The following ADGRL2 variants were observed in gnomAD, a reference collection of about 807,000 sequenced individuals.
The protein encoded by ADGRL2 is adhesion G protein-coupled receptor L2, also known as calcium-independent alpha-latrotoxin receptor 2.
Under a neutral mutation model 157.4 loss-of-function variants are expected in ADGRL2, and 44 were observed. The observed-to-expected ratio is 0.28, with a 90% CI of 0.22 to 0.36. The LOEUF (loss-of-function observed/expected upper bound fraction) is 0.36, where lower values mean the gene tolerates loss of function less well. ADGRL2 is among the 10% of genes least tolerant of loss of function. The pLI, the probability that ADGRL2 is intolerant of heterozygous loss-of-function variation, is 1.00. For missense variants in ADGRL2, 1,510 were observed against 1,768.9 expected (o/e 0.85, Z 2.63); for synonymous variants, 585 against 624.7 (o/e 0.94, Z 0.95).
intron 8 of ADGRL2, 103 bp downstream of exon 8, chr1:81,951,224 G>C: frequency 2.7e-6 from 2 of 745,804 alleles, no homozygotes; most frequent in Non-Finnish European, 4.5e-6. Context: ...ATTGCTCTTT[G>C]TTCAGTATAA....
intron 1 of ADGRL2, among the ~76,000 whole-genome samples, chr1:81,432,825 C>T (rs1031277295): frequency 4.6e-5 from 7 of 152,030 alleles, no homozygotes; most frequent in African/African-American, 9.7e-5. Flanking sequence ...AGGCTTGGGG[C>T]GGCATGGGGA....
chr1:81,902,590 A>G (rs1238825842), intron 2 of ADGRL2, among the ~76,000 whole-genome samples: 1 of 152,078 alleles, frequency 6.6e-6, no homozygotes, highest in Non-Finnish European at 1.5e-5. Context: ...TGGGTGACAG[A>G]GCAAGACTCC....
At chr1:81,436,234 G>T (rs774658748) in intron 1 of ADGRL2, among the ~76,000 whole-genome samples, 1 of 152,134 alleles carries the variant, frequency 6.6e-6, no homozygotes, top group African/African-American at 2.4e-5. Context: ...GGCAGACACG[G>T]CTCGGTCCTC....
At chr1:81,829,323 A>G (rs1465186463) in intron 1 of ADGRL2, among the ~76,000 whole-genome samples, 3 of 152,216 alleles carry the variant, frequency 2.0e-5, no homozygotes, top group Admixed American at 2.0e-4. Context: ...ACTATTAATT[A>G]AGTTAATTAT....
At chr1:81,788,282 T>C (rs1409871894) in intron 2 of ADGRL2, among the ~76,000 whole-genome samples, 3 of 152,128 alleles carry the variant, frequency 2.0e-5, no homozygotes, top group South Asian at 2.1e-4. Context: ...TGGAGCCTGG[T>C]GGGAGGTGTT....
chr1:81,745,478 C>A (rs757782491), intron 1 of ADGRL2, among the ~76,000 whole-genome samples: 1 of 152,092 alleles, frequency 6.6e-6, no homozygotes. Flanking sequence ...ACAGAAATGG[C>A]AATTTCATAT....
At chr1:81,821,150 A>C (rs1478047370) in intron 1 of ADGRL2, among the ~76,000 whole-genome samples, 2 of 152,166 alleles carry the variant, frequency 1.3e-5, no homozygotes, top group East Asian at 3.8e-4. Flanking sequence ...CTAGTTAAGG[A>C]AACTAAAAAT....
chr1:81,828,614 T>G (rs953309075), intron 1 of ADGRL2, among the ~76,000 whole-genome samples: 5 of 152,156 alleles, frequency 3.3e-5, no homozygotes, highest in Admixed American at 3.3e-4. Context: ...CTATGTTTCT[T>G]TTTTATTAAA....
intron 2 of ADGRL2, among the ~76,000 whole-genome samples, chr1:81,902,422 A>G (rs983308377): frequency 6.6e-6 from 1 of 151,954 alleles, no homozygotes; most frequent in African/African-American, 2.4e-5. Flanking sequence ...ACATGGCGAA[A>G]CCTCATCTCT....
intron 3 of ADGRL2, among the ~76,000 whole-genome samples, chr1:81,657,009 C>CAAAAAAAAA (rs11383698): frequency 9.2e-6 from 1 of 109,268 alleles, no homozygotes; most frequent in East Asian, 2.6e-4. Context: ...GACCCTGTCT[C>CAAAAAAAAA]AAAAAAAAAA....
rs776616316 is a variant in ADGRL2, at chr1:81,968,165, A to G, written c.2489A>G (p.Asn830Ser). 28 of 1,612,182 alleles carry G rather than the reference A, an allele frequency of 1.7e-5. No homozygotes were observed. Among genetic ancestry groups the G allele is most frequent in the Non-Finnish European group, 2.4e-5 (28 of 1,179,610 alleles). The change falls in exon 14 of 24, where the codon AAT becomes AGT. Residue 830 changes from asparagine to serine, a missense_variant. Physicochemically the swap from Asn to Ser is conservative, Grantham distance 46. Transcript: ENST00000686636. ...ACGTGTGCATGCAGCCACCTAACCA[A>G]TTTTGCAATTCTCATGGCCCACAGG... The part of the protein sequence containing the change: ...RTTCACSHLT[N>S]FAILMAHREI...
rs965487480 is a variant in ADGRL2, at chr1:81,501,985, C to G, written c.-248+56896C>G. 3.2e-5 allele frequency: 51 copies of G among 1,612,494 alleles called. No homozygotes were observed. In the Admixed American group the frequency reaches 7.2e-4, roughly 23 times the overall value. On this transcript the variant is annotated intron_variant, in intron 2 of 24. Coordinates refer to the ADGRL2 transcript ENST00000370721. ...CTTCTGGCAGCACTCCCTTAGGTCC[C>G]TTAGCCAGAGTTCCACCCACCGCAG... is the stretch of plus-strand genomic sequence containing the variant.
chr1:81,573,856 T>A (rs1228706198), intron 2 of ADGRL2, among the ~76,000 whole-genome samples: 1 of 152,176 alleles, frequency 6.6e-6, no homozygotes, highest in Non-Finnish European at 1.5e-5. Flanking sequence ...TTATTTTATA[T>A]GATTAAATAC....
At chr1:81,500,228 T>G (rs2148008098) in intron 2 of ADGRL2, among the ~76,000 whole-genome samples, 1 of 152,346 alleles carries the variant, frequency 6.6e-6, no homozygotes, top group East Asian at 1.9e-4. Flanking sequence ...GAGCAGCTAC[T>G]GTGGAAATAG....
chr1:81,337,170 G>A (rs1482829691), intron 1 of ADGRL2, among the ~76,000 whole-genome samples: 1 of 152,076 alleles, frequency 6.6e-6, no homozygotes, highest in East Asian at 1.9e-4. Flanking sequence ...AAAATTCCTG[G>A]CATTTATCAT....
upstream of ADGRL2, among the ~76,000 whole-genome samples, chr1:81,795,422 T>C (rs566051369): frequency 6.6e-6 from 1 of 152,210 alleles, no homozygotes; most frequent in South Asian, 2.1e-4. Context: ...ATAAGTTTTT[T>C]TGTGTTTAAA....
intron 2 of ADGRL2, among the ~76,000 whole-genome samples, chr1:81,769,040 G>A (rs557136169): frequency 1.3e-5 from 2 of 152,048 alleles, no homozygotes; most frequent in Non-Finnish European, 2.9e-5. Flanking sequence ...TAGAGATCGC[G>A]GCACTGCACT....
intron 1 of ADGRL2, among the ~76,000 whole-genome samples, chr1:81,704,154 C>T (rs907624793): frequency 6.6e-6 from 1 of 152,222 alleles, no homozygotes; most frequent in Non-Finnish European, 1.5e-5. Flanking sequence ...TGGCTCATAC[C>T]ACCTGGGTGA....
At chr1:81,674,894 T>C (rs2082954461) in intron 3 of ADGRL2, among the ~76,000 whole-genome samples, 1 of 152,154 alleles carries the variant, frequency 6.6e-6, no homozygotes, top group Non-Finnish European at 1.5e-5. Context: ...AGAAGATCCT[T>C]GCAGGAAACT....
Sources: gnomAD v4.1 joint callset for allele counts (sites outside exome capture counted in the v4.1 genomes callset) on GRCh38, gnomAD v4.1.1 for gene constraint, MANE v1.5 for transcripts, NCBI Gene and HGNC (gene_info 2026-07-23, HGNC 2026-07-21) for gene names.